ALKBH3: variants seen among roughly 807,000 people sequenced by gnomAD.
ALKBH3 encodes the protein alpha-ketoglutarate-dependent dioxygenase alkB homolog 3.
A neutral mutation model predicts 43.9 loss-of-function variants in ALKBH3; 51 were observed. That is an observed-to-expected ratio of 1.16 (90% CI 0.93 to 1.47). The LOEUF (loss-of-function observed/expected upper bound fraction) is 1.47, where lower values mean the gene tolerates loss of function less well. ALKBH3 is among the 40% of genes most tolerant of loss of function. The probability of loss-of-function intolerance (pLI) is 0.00; values close to 1 mark genes in which losing one functional copy is unlikely to be tolerated. For synonymous variants in ALKBH3, 102 were observed against 115.2 expected (o/e 0.89, Z 0.73); for missense variants, 361 against 351.9 (o/e 1.03, Z -0.21).
chr11:43,918,532 A>G (rs995193301), intron 8 of ALKBH3, among the ~76,000 whole-genome samples: 1 of 152,210 alleles, frequency 6.6e-6, no homozygotes, highest in Non-Finnish European at 1.5e-5. Flanking sequence ...ATAGGTGCCA[A>G]TTAGTAAATT....
At chr11:43,892,615 C>T (rs1330268019) in intron 7 of ALKBH3, among the ~76,000 whole-genome samples, 1 of 152,198 alleles carries the variant, frequency 6.6e-6, no homozygotes, top group Non-Finnish European at 1.5e-5. Context: ...GTTTCTGCTG[C>T]TGCTTTTGCT....
intron 6 of ALKBH3, among the ~76,000 whole-genome samples, chr11:43,890,614 C>T (rs1380783740): frequency 2.0e-5 from 3 of 152,084 alleles, no homozygotes; most frequent in African/African-American, 7.2e-5. Context: ...GCCTGTAATC[C>T]CAGCACTTTG....
chr11:43,898,147 G>C, intron 7 of ALKBH3: 2 of 1,206,844 alleles, frequency 1.7e-6, no homozygotes, highest in Non-Finnish European at 2.5e-6. Context: ...TAACAAACTA[G>C]ATGCTGACTA....
intron 6 of ALKBH3, among the ~76,000 whole-genome samples, chr11:43,890,886 T>A (rs548351082): frequency 3.3e-5 from 5 of 152,272 alleles, no homozygotes; most frequent in African/African-American, 1.2e-4. Context: ...ATAACTATCA[T>A]AGTATGTGCA....
At chr11:43,891,062 A>G (rs1316266805) in intron 6 of ALKBH3, among the ~76,000 whole-genome samples, 1 of 152,042 alleles carries the variant, frequency 6.6e-6, no homozygotes, top group Admixed American at 6.6e-5. Flanking sequence ...CCATGGTTTG[A>G]GTATTTTTGA....
At position 43,911,966 on chromosome 11, in the gene ALKBH3, C is replaced by CA. The variant is rs1314986657; in HGVS notation, c.670-7064dup. ...TGAAACCCCGTCTCTACTAAAAATA[C>CA]AAAAAAAATAGGCAGGCGTGGTGGT... On this transcript the variant is annotated intron_variant, in intron 8 of 9. Coordinates refer to ENST00000302708, the MANE Select transcript of ALKBH3 (RefSeq NM_139178.4). 2.6e-5 allele frequency among the ~76,000 whole-genome samples: 4 copies of CA among 151,626 alleles called. No homozygotes were observed. In the South Asian group the frequency reaches 8.4e-4, roughly 32 times the overall value.
Position 43,901,583 on chromosome 11 carries a change from T to C in ALKBH3, c.527T>C (p.Leu176Ser). ...EENTGHTFNS[L>S]LCNLYRNEKD... The stretch of plus-strand genomic sequence containing the variant: ...AACACTGGCCACACCTTCAACTCCT[T>C]ACTCTGCAATCTTTATCGCAATGAG... Residue 176 changes from leucine to serine, a missense_variant, in exon 8 of 10, where the codon TTA (leucine) becomes TCA (serine). Physicochemically the swap from Leu to Ser is moderately radical, Grantham distance 145. Coordinates refer to ENST00000302708, the MANE Select transcript of ALKBH3 (RefSeq NM_139178.4). The C allele has an allele frequency of 6.2e-7, 1 of 1,614,230 alleles. No homozygotes were observed. The highest frequency in any genetic ancestry group is 8.5e-7 in the Non-Finnish European group (1 of 1,180,040).
At chr11:43,889,213 C>CG (rs1951766895) in intron 5 of ALKBH3, among the ~76,000 whole-genome samples, 1 of 152,064 alleles carries the variant, frequency 6.6e-6, no homozygotes, top group Non-Finnish European at 1.5e-5. Context: ...TTTTGGTAGA[C>CG]GGGGTTTCAC....
intron 3 of ALKBH3, among the ~76,000 whole-genome samples, chr11:43,883,759 A>G (rs1346152138): frequency 6.6e-6 from 1 of 152,186 alleles, no homozygotes; most frequent in East Asian, 1.9e-4. Flanking sequence ...CTGCTAGGAA[A>G]ATTTATTCTA....
Position 43,901,611 on chromosome 11 carries a change from G to A in ALKBH3, c.555G>A (p.Lys185=), listed in dbSNP as rs1951864630. ...TCTGCAATCTTTATCGCAATGAGAAGGACAGCGTGGACTGGCACAGTGATG... is the reference window on the plus strand; with the variant it reads ...TCTGCAATCTTTATCGCAATGAGAAAGACAGCGTGGACTGGCACAGTGATG... ...SLLCNLYRNE[K]DSVDWHSDDE... is the part of the protein sequence containing the mutation. Residue 185 remains lysine (K), a synonymous_variant, in exon 8 of 10, where the codon AAG becomes AAA. Coordinates refer to ENST00000302708, the MANE Select transcript of ALKBH3 (RefSeq NM_139178.4). 5 of 1,614,134 alleles carry A rather than the reference G, an allele frequency of 3.1e-6. No individual in the cohort carries two copies. Among genetic ancestry groups the A allele is most frequent in the Non-Finnish European group, 3.4e-6 (4 of 1,180,052 alleles).
Position 43,901,723 on chromosome 11 carries a change from C to G in ALKBH3, c.667C>G (p.Pro223Ala). 4 of 1,614,076 alleles carry G rather than the reference C, an allele frequency of 2.5e-6. No individual in the cohort carries two copies. Among genetic ancestry groups the G allele is most frequent in the Non-Finnish European group, 3.4e-6 (4 of 1,179,916 alleles). The part of the protein sequence containing the change: ...RTFEMRKKPP[P>A]EENGDYTYVE... ...ATTTGAGATGAGAAAGAAGCCACCA[C>G]CAGTGAGTATTCTCTTTTTCTTATG... is the stretch of plus-strand genomic sequence containing the variant. Residue 223 changes from proline to alanine, a missense_variant and splice_region_variant, in exon 8 of 10, where the codon CCA (proline) becomes GCA (alanine). By Grantham distance (27) the Pro-to-Ala change is conservative (BLOSUM62 -1). Transcript: ENST00000302708.
chr11:43,902,110 G>A (rs547794363), intron 8 of ALKBH3, among the ~76,000 whole-genome samples: 1 of 152,336 alleles, frequency 6.6e-6, no homozygotes, highest in Admixed American at 6.5e-5. Context: ...CTAAGGAAGA[G>A]GAAGGAGGCT....
chr11:43,896,801 G>T (rs1951822141), intron 7 of ALKBH3, among the ~76,000 whole-genome samples: 1 of 152,172 alleles, frequency 6.6e-6, no homozygotes, highest in South Asian at 2.1e-4. Flanking sequence ...AAATGTGTCA[G>T]CATTTAGAAG....
intron 8 of ALKBH3, 118 bp from the exon 9 acceptor site, chr11:43,918,920 T>G: frequency 1.3e-6 from 1 of 754,024 alleles, no homozygotes; most frequent in Admixed American, 2.1e-5. Flanking sequence ...CAGAGCTATA[T>G]ATGGATTCCC....
intron 7 of ALKBH3, chr11:43,899,661 T>C (rs1951846918): frequency 4.6e-6 from 2 of 437,658 alleles, no homozygotes. Context: ...TATGGACTCC[T>C]CTCACCTCTA....
At chr11:43,908,843 C>T (rs1398790144) in intron 8 of ALKBH3, among the ~76,000 whole-genome samples, 1 of 152,186 alleles carries the variant, frequency 6.6e-6, no homozygotes, top group African/African-American at 2.4e-5. Flanking sequence ...GTAGTTTGTG[C>T]TGTCGATGCC....
At chr11:43,892,169 A>G (rs1458860223) in intron 7 of ALKBH3, 40 bp downstream of exon 7, 2 of 1,497,966 alleles carry the variant, frequency 1.3e-6, no homozygotes, top group Non-Finnish European at 1.9e-6. Flanking sequence ...TTTATAGACT[A>G]TATACTATGT....
intron 8 of ALKBH3, among the ~76,000 whole-genome samples, chr11:43,916,126 A>G (rs1386890655): frequency 1.3e-5 from 2 of 152,252 alleles, no homozygotes; most frequent in Non-Finnish European, 2.9e-5. Context: ...GAAAACTCCA[A>G]ATCTCATACA....
At chr11:43,895,175 C>A (rs1951809826) in intron 7 of ALKBH3, among the ~76,000 whole-genome samples, 1 of 152,154 alleles carries the variant, frequency 6.6e-6, no homozygotes, top group Non-Finnish European at 1.5e-5. Flanking sequence ...CCTTCCTTTG[C>A]TGAACGTCTG....
Sources: gnomAD v4.1 joint callset for allele counts (sites outside exome capture counted in the v4.1 genomes callset) on GRCh38, gnomAD v4.1.1 for gene constraint, MANE v1.5 for transcripts, NCBI Gene and HGNC (gene_info 2026-07-23, HGNC 2026-07-21) for gene names.